The following RGS14 variants were observed in gnomAD, a reference collection of about 807,000 sequenced individuals.
RGS14 encodes regulator of G-protein signaling 14.
A neutral mutation model predicts 63.8 loss-of-function variants in RGS14; 33 were observed. The ratio of observed to expected loss-of-function variants is 0.52; its 90% CI spans 0.39 to 0.69. The LOEUF is 0.69. RGS14 is among the 30% of genes least tolerant of loss of function. The pLI is 0.00. For missense variants in RGS14, 739 were observed against 742.9 expected (o/e 0.99, Z 0.06); for synonymous variants, 296 against 320.9 (o/e 0.92, Z 0.83).
chr5:177,368,134 G>T, intron 7 of RGS14, 23 bp from the exon 8 acceptor site: 1 of 1,608,226 alleles, frequency 6.2e-7, no homozygotes, highest in Non-Finnish European at 8.5e-7. Flanking sequence ...GGCTGTTCGC[G>T]TTCATCGCTC....
chr5:177,363,157 G>C (rs962581354), intron 1 of RGS14, among the ~76,000 whole-genome samples: 2 of 152,176 alleles, frequency 1.3e-5, no homozygotes, highest in Admixed American at 6.5e-5. Flanking sequence ...CCTTGCGGCC[G>C]CGCAGGGAAA....
chr5:177,366,592 GTC>G, intron 3 of RGS14, 114 bp from the exon 4 acceptor site: 1 of 963,570 alleles, frequency 1.0e-6, no homozygotes, highest in South Asian at 1.5e-5. Flanking sequence ...GTCTGGCCCT[GTC>G]TGTCTGGCTT....
At chr5:177,369,447 T>A (rs1762187585) in intron 9 of RGS14, among the ~76,000 whole-genome samples, 1 of 152,168 alleles carries the variant, frequency 6.6e-6, no homozygotes, top group African/African-American at 2.4e-5. Context: ...ATTTACCTAG[T>A]AGACAAGTCC....
At chr5:177,367,353 T>C in intron 5 of RGS14, 61 bp from the exon 6 acceptor site, 1 of 1,522,500 alleles carries the variant, frequency 6.6e-7, no homozygotes, top group South Asian at 1.2e-5. Context: ...CCGGCCTGGG[T>C]GCAGGCAGCC....
chr5:177,359,367 G>A lies in RGS14; in HGVS notation c.45+1298G>A, dbSNP rs1204874104. The stretch of plus-strand genomic sequence containing the variant: ...ACCTCCCTTGCATTCCCATGTCACA[G>A]GCATGACACTTCGCTCGTCCTTGCC... On this transcript the variant is annotated intron_variant, in intron 1 of 14. Coordinates refer to ENST00000408923, the MANE Select transcript of RGS14 (RefSeq NM_006480.5). The surrounding 1 kb of genome is among the most constrained non-coding windows in gnomAD (Gnocchi z 4.4). Among the ~76,000 whole-genome samples the A allele has an allele frequency of 6.6e-6, 1 of 152,192 alleles. No individual in the cohort carries two copies. The highest frequency in any genetic ancestry group is 2.4e-5 in the African/African-American group (1 of 41,442).
rs1581611347 is a variant in RGS14 at position 177,357,961 on chromosome 5, C to T, written c.-64C>T. ...TGCCCGCCACCGTGCAAGCTCTGGC[C>T]GGCGCTGCCCACAGTCCCCATGGTG... is the stretch of plus-strand genomic sequence containing the variant. On this transcript the variant is annotated 5_prime_UTR_variant, in exon 1 of 15. Transcript: ENST00000408923. 6 of 1,286,384 alleles carry T rather than the reference C, an allele frequency of 4.7e-6. No individual in the cohort carries two copies. The highest frequency in any genetic ancestry group is 3.8e-5 in the Admixed American group (1 of 26,070). The allele number at this position is 1,286,384 out of a possible 1,614,324, so 79.7% of individuals were successfully genotyped here.
intron 10 of RGS14, 76 bp from the exon 11 acceptor site, chr5:177,370,829 C>T: frequency 6.3e-7 from 1 of 1,575,346 alleles, no homozygotes; most frequent in Middle Eastern, 2.3e-4. Context: ...AAGCTCCACC[C>T]CCTCGCGTTT....
chr5:177,360,566 T>TAAAAAA (rs750301708), intron 1 of RGS14, among the ~76,000 whole-genome samples: 1 of 64,828 alleles, frequency 1.5e-5, no homozygotes, highest in Admixed American at 1.9e-4. Flanking sequence ...GATCCTATAT[T>TAAAAAA]AAAAAAAAAA....
chr5:177,372,111 C>T lies in RGS14; in HGVS notation c.*36C>T. 2 of 1,585,686 alleles carry T rather than the reference C, an allele frequency of 1.3e-6. No individual in the cohort carries two copies. The highest frequency in any genetic ancestry group is 1.7e-6 in the Non-Finnish European group (2 of 1,158,356). ...ACAGTCCAGGACAGCTGCATGGCAC[C>T]CGGCGGGCCGAGCATGCCATGGGTC... On this transcript the variant is annotated 3_prime_UTR_variant, in exon 15 of 15. Coordinates refer to ENST00000408923, the MANE Select transcript of RGS14 (RefSeq NM_006480.5).
At chr5:177,365,609 G>A (rs538123372) in intron 1 of RGS14, among the ~76,000 whole-genome samples, 1 of 152,300 alleles carries the variant, frequency 6.6e-6, no homozygotes, top group South Asian at 2.1e-4. Flanking sequence ...GATTACAGAT[G>A]GAGGCAAACA....
At chr5:177,366,653 G>T (rs955541528) in intron 3 of RGS14, 55 bp from the exon 4 acceptor site, 1 of 1,535,158 alleles carries the variant, frequency 6.5e-7, no homozygotes, top group Non-Finnish European at 9.0e-7. Context: ...ACATCCCCCA[G>T]TTTGGTCTCT....
chr5:177,372,112 C>G lies in RGS14; in HGVS notation c.*37C>G, dbSNP rs187869615. 24 of 1,586,562 alleles carry G rather than the reference C, an allele frequency of 1.5e-5. No homozygotes were observed. The South Asian group carries it at 2.7e-4, about 18-fold the overall frequency. ...CAGTCCAGGACAGCTGCATGGCACCCGGCGGGCCGAGCATGCCATGGGTCC... is the reference window on the plus strand; with the variant it reads ...CAGTCCAGGACAGCTGCATGGCACCGGGCGGGCCGAGCATGCCATGGGTCC... On this transcript the variant is annotated 3_prime_UTR_variant, in exon 15 of 15. Coordinates refer to ENST00000408923, the MANE Select transcript of RGS14 (RefSeq NM_006480.5).
chr5:177,369,120 A>T lies in RGS14; in HGVS notation c.1053+200A>T. On this transcript the variant is annotated intron_variant, in intron 9 of 14. Coordinates refer to ENST00000408923, the MANE Select transcript of RGS14 (RefSeq NM_006480.5). ...TCCTTCCAGGTTTCCACCTTCATCC[A>T]TCATCCTATTGTGGTGACCTTAGGG... 4.9e-6 allele frequency: 3 copies of T among 611,490 alleles called. No individual in the cohort carries two copies. In the South Asian group the frequency reaches 5.6e-5, roughly 11 times the overall value. 37.9% of individuals were successfully genotyped at this position (611,490 alleles called of 1,614,324 possible).
rs770590283 is a variant in RGS14 at position 177,371,829 on chromosome 5, G to A, written c.1499-44G>A. The A allele has an allele frequency of 6.3e-7, 1 of 1,578,756 alleles. No homozygotes were observed. The highest frequency in any genetic ancestry group is 1.1e-5 in the South Asian group (1 of 88,320). On this transcript the variant is annotated intron_variant, in intron 14 of 14. Coordinates refer to ENST00000408923, the MANE Select transcript of RGS14 (RefSeq NM_006480.5). The surrounding 1 kb of genome is among the most constrained non-coding windows in gnomAD (Gnocchi z 6.1). ...TGGGACTATCGTGGGCTGGCATATA[G>A]GCAGGTCTGCTGGGGGGACCCTCAT...
In RGS14 at chr5:177,366,696, T is replaced by C. The variant is rs1762100653; in HGVS notation, c.247-12T>C. ...TGAGTCTCTGCCTGCCTCCCCCTCC[T>C]TCCCCTCCCAGGAGTTCCTGAAGAA... On this transcript the variant is annotated splice_polypyrimidine_tract_variant and intron_variant, in intron 3 of 14. Coordinates refer to ENST00000408923, the MANE Select transcript of RGS14 (RefSeq NM_006480.5). The C allele has an allele frequency of 6.2e-7, 1 of 1,613,452 alleles. No homozygotes were observed. The highest frequency in any genetic ancestry group is 8.5e-7 in the Non-Finnish European group (1 of 1,179,514).
chr5:177,366,437 G>T, intron 3 of RGS14, 82 bp downstream of exon 3: 1 of 1,288,102 alleles, frequency 7.8e-7, no homozygotes, highest in South Asian at 1.5e-5. Flanking sequence ...CCAGAGTGGG[G>T]TCCTCTGTCA....
At chr5:177,367,988 G>T in intron 7 of RGS14, 163 bp downstream of exon 7, 1 of 1,439,852 alleles carries the variant, frequency 6.9e-7, no homozygotes. Context: ...CGGGTCTTGG[G>T]CTAGACCTCA....
intron 1 of RGS14, among the ~76,000 whole-genome samples, chr5:177,361,178 G>A (rs984964323): frequency 6.6e-6 from 1 of 152,178 alleles, no homozygotes; most frequent in Non-Finnish European, 1.5e-5. Flanking sequence ...CGAGTTCAGG[G>A]TGGCCTTATA....
rs1206136052 is a variant in RGS14 at position 177,358,672 on chromosome 5, C to T, written c.45+603C>T. Among the ~76,000 whole-genome samples the T allele has an allele frequency of 6.6e-6, 1 of 152,370 alleles. No homozygotes were observed. Among genetic ancestry groups the T allele is most frequent in the East Asian group, 1.9e-4 (1 of 5,188 alleles). ...AGCACTAAGATCCCCCTGGCTGCAGCTGCCCCACCCCTTAACCCTCTCCCT... is the reference window on the plus strand; with the variant it reads ...AGCACTAAGATCCCCCTGGCTGCAGTTGCCCCACCCCTTAACCCTCTCCCT... On this transcript the variant is annotated intron_variant, in intron 1 of 14. Transcript: ENST00000408923. This position sits in a 1 kb window ranked among gnomAD's most constrained non-coding sequence, Gnocchi z 4.8.
Sources: gnomAD v4.1 joint callset for allele counts (sites outside exome capture counted in the v4.1 genomes callset) on GRCh38, gnomAD v4.1.1 for gene constraint, Gnocchi (gnomAD v3.1) non-coding constraint, MANE v1.5 for transcripts, NCBI Gene and HGNC (gene_info 2026-07-23, HGNC 2026-07-21) for gene names.